Variants in TENM1 observed in about 807,000 individuals in gnomAD.
TENM1 encodes teneurin transmembrane protein 1.
In TENM1, 35 loss-of-function variants were observed where a neutral mutation model predicts 174.8. That is an observed-to-expected ratio of 0.20 (90% CI 0.15 to 0.27). The LOEUF (loss-of-function observed/expected upper bound fraction) is 0.27, where lower values mean the gene tolerates loss of function less well. TENM1 is among the 10% of genes least tolerant of loss of function. TENM1 has a pLI of 1.00. For synonymous variants in TENM1, 781 were observed against 798.7 expected (o/e 0.98, Z 0.37); for missense variants, 1,633 against 2,130.1 (o/e 0.77, Z 4.59).
At chrX:124,723,536 A>G (rs970980610) in intron 4 of TENM1, among the ~76,000 whole-genome samples, 2 of 109,923 alleles carry the variant, frequency 1.8e-5, no homozygotes, top group Non-Finnish European at 3.8e-5. Context: ...TTTACCTATG[A>G]AAGTCTTAAT....
In TENM1 at chrX:124,652,618, T is replaced by C. The variant is rs188236090; in HGVS notation, c.1369-494A>G. 8.9e-5 allele frequency among the ~76,000 whole-genome samples: 10 copies of C among 111,917 alleles called. No individual in the cohort carries two copies. In the East Asian group the frequency reaches 1.7e-3, roughly 19 times the overall value. On this transcript the variant is annotated intron_variant, in intron 7 of 31. Coordinates refer to ENST00000422452, the Ensembl canonical transcript of TENM1. ...ATAGAAGATACTTGAAAATACACCT[T>C]CCACTCATAAATGTTACTGTGACCT...
At chrX:124,954,421 T>A (rs959986684) in intron 1 of TENM1, among the ~76,000 whole-genome samples, 1 of 112,144 alleles carries the variant, frequency 8.9e-6, no homozygotes, top group African/African-American at 3.2e-5. Flanking sequence ...GGTTCCAGAC[T>A]TACCTGTACA....
intron 11 of TENM1, among the ~76,000 whole-genome samples, chrX:124,641,443 C>T (rs925995309): frequency 2.7e-5 from 3 of 111,436 alleles, no homozygotes; most frequent in African/African-American, 9.8e-5. Context: ...AGAAATATTT[C>T]GCAGATGGTT....
rs183129349 is a variant in TENM1 at position 124,582,063 on chromosome X, T to A, written c.2078-16503A>T. 4.5e-5 allele frequency among the ~76,000 whole-genome samples: 5 copies of A among 110,706 alleles called. No homozygotes were observed. The East Asian group carries it at 1.1e-3, about 25-fold the overall frequency. On this transcript the variant is annotated intron_variant, in intron 11 of 31. Transcript: ENST00000422452. ...TTCCCCACACCCCAATAGTCCCCAG[T>A]GTGTGTTGTTCCCCCCCATGTCCAT...
the TENM1 span, among the ~76,000 whole-genome samples, chrX:125,036,064 C>T: frequency 9.0e-6 from 1 of 111,641 alleles, no homozygotes; most frequent in African/African-American, 3.3e-5. Flanking sequence ...CACGCTCTCA[C>T]TAACAAAAAC....
intron 9 of TENM1, 35 bp downstream of exon 12, chrX:124,646,674 T>C (rs2051167821): frequency 2.9e-6 from 3 of 1,018,858 alleles, no homozygotes; most frequent in Admixed American, 2.3e-5. Flanking sequence ...CACATCTATT[T>C]TCCTAAACCA....
intron 30 of TENM1, among the ~76,000 whole-genome samples, chrX:124,383,380 G>A (rs1294744259): frequency 3.6e-5 from 4 of 111,879 alleles, no homozygotes; most frequent in Admixed American, 9.5e-5. Context: ...TTTCTTTTAC[G>A]AAATTATTCA....
intron 18 of TENM1, among the ~76,000 whole-genome samples, chrX:124,509,398 A>C (rs919912348): frequency 4.5e-5 from 5 of 111,188 alleles, no homozygotes; most frequent in Non-Finnish European, 3.8e-5. Context: ...GTCCCTACCC[A>C]GTAAAAAATT....
At chrX:125,017,036 T>C in the TENM1 span, among the ~76,000 whole-genome samples, 14 of 111,739 alleles carry the variant, frequency 1.3e-4, no homozygotes, top group Non-Finnish European at 2.1e-4. Context: ...ACTGGGCCCC[T>C]TCCTTACACC....
chrX:124,814,143 T>G (rs1039687684), intron 3 of TENM1, among the ~76,000 whole-genome samples: 1 of 111,162 alleles, frequency 9.0e-6, no homozygotes, highest in Admixed American at 9.6e-5. Flanking sequence ...AGAGTCAGGC[T>G]GCCTAGGTCT....
chrX:124,484,959 A>G (rs2046922855), intron 21 of TENM1, among the ~76,000 whole-genome samples: 1 of 111,627 alleles, frequency 9.0e-6, no homozygotes, highest in South Asian at 3.7e-4. Flanking sequence ...GGTGCTTAGT[A>G]CGTGCTAAAC....
Position 124,685,797 on chromosome X carries a change from G to A in TENM1, c.1016-13962C>T, listed in dbSNP as rs769297726. Among the ~76,000 whole-genome samples, 7 of 111,650 alleles carry A rather than the reference G, an allele frequency of 6.3e-5. No individual in the cohort carries two copies. In the South Asian group the frequency reaches 2.6e-3, roughly 42 times the overall value. ...TAGTCTCGAACTCCCAACCTTAGGT[G>A]ATCTGCCCGCCTTGGCCTCCCAAAG... On this transcript the variant is annotated intron_variant, in intron 5 of 31. Transcript: ENST00000422452.
the TENM1 span, among the ~76,000 whole-genome samples, chrX:125,066,597 T>C: frequency 9.0e-6 from 1 of 111,707 alleles, no homozygotes; most frequent in Non-Finnish European, 1.9e-5. Context: ...TCAGTTGAAA[T>C]GGTCTCTAAT....
the TENM1 span, among the ~76,000 whole-genome samples, chrX:124,980,980 T>G: frequency 4.5e-5 from 5 of 112,287 alleles, no homozygotes; most frequent in African/African-American, 1.6e-4. Flanking sequence ...TTCCTCTCTG[T>G]TCTTCCTATC....
At chrX:124,762,002 T>G (rs1327932597) in intron 3 of TENM1, among the ~76,000 whole-genome samples, 1 of 112,495 alleles carries the variant, frequency 8.9e-6, no homozygotes, top group Non-Finnish European at 1.9e-5. Flanking sequence ...GTACATTGGA[T>G]GTTTGGTCTT....
At chrX:125,124,851 C>T in the TENM1 span, among the ~76,000 whole-genome samples, 4 of 112,115 alleles carry the variant, frequency 3.6e-5, no homozygotes, top group Non-Finnish European at 5.6e-5. Flanking sequence ...AATAACTTCT[C>T]AGCCTCTTTT....
chrX:125,189,199 G>A, the TENM1 span, among the ~76,000 whole-genome samples: 2 of 111,721 alleles, frequency 1.8e-5, no homozygotes, highest in South Asian at 3.8e-4. Context: ...ACTAGAGAAG[G>A]CCAGTTAATA....
the TENM1 span, among the ~76,000 whole-genome samples, chrX:125,020,857 G>C: frequency 9.0e-6 from 1 of 111,449 alleles, no homozygotes; most frequent in South Asian, 3.7e-4. Context: ...CACAGCCTAT[G>C]TTGTAAGCTT....
chrX:124,396,373 G>A (rs2060334288), intron 27 of TENM1, among the ~76,000 whole-genome samples: 1 of 100,206 alleles, frequency 1.0e-5, no homozygotes, highest in Non-Finnish European at 2.0e-5. Context: ...CACGATCTTG[G>A]CTCACTGCAA....
Sources: gnomAD v4.1 joint callset for allele counts (sites outside exome capture counted in the v4.1 genomes callset) on GRCh38, gnomAD v4.1.1 for gene constraint, MANE v1.5 for transcripts, NCBI Gene and HGNC (gene_info 2026-07-23, HGNC 2026-07-21) for gene names.